Variants in CEP192 observed in about 807,000 individuals in gnomAD.
The protein encoded by CEP192 is centrosomal protein 192, also known as centrosomal protein of 192 kDa.
Under a neutral mutation model 271.8 loss-of-function variants are expected in CEP192, and 151 were observed. That is an observed-to-expected ratio of 0.56 (90% confidence interval 0.49 to 0.64). The LOEUF (loss-of-function observed/expected upper bound fraction) is 0.64, where lower values mean the gene tolerates loss of function less well. Ranked by LOEUF, CEP192 falls within the 30% of genes least tolerant of loss-of-function variation. CEP192 has a pLI of 0.00. For synonymous variants in CEP192, 995 were observed against 1,076.5 expected (o/e 0.92, Z 1.48); for missense variants, 2,910 against 3,020.5 (o/e 0.96, Z 0.86).
At chr18:13,041,284 G>A (rs1471930756) in intron 14 of CEP192, among the ~76,000 whole-genome samples, 2 of 152,212 alleles carry the variant, frequency 1.3e-5, no homozygotes, top group Admixed American at 6.5e-5. Context: ...TTAAAGAGAT[G>A]TTTTGAGATT....
intron 33 of CEP192, 136 bp downstream of exon 33, chr18:13,089,701 T>C (rs1391495296): frequency 5.6e-6 from 3 of 535,408 alleles, no homozygotes; most frequent in Non-Finnish European, 1.0e-5. Context: ...ACAGCCCTGC[T>C]GTATGAGTTT....
Position 13,040,936 on chromosome 18 carries a change from T to C in CEP192, c.1916T>C (p.Leu639Pro), listed in dbSNP as rs2036167903. ...AATTTGGAAAAAGAAATGGCTCATC[T>C]TAACCATGATCTATATTCAGGTAAT... ...RGNLEKEMAH[L>P]NHDLYSGDLN... is the part of the protein sequence containing the mutation. Residue 639 changes from leucine to proline, a missense_variant, in exon 14 of 45, where the codon CTT becomes CCT. By Grantham distance (98) the Leu-to-Pro change is moderately conservative. Coordinates refer to ENST00000506447, the MANE Select transcript of CEP192 (RefSeq NM_032142.4). The C allele has an allele frequency of 6.2e-7, 1 of 1,611,168 alleles. No homozygotes were observed. The highest frequency in any genetic ancestry group is 8.5e-7 in the Non-Finnish European group (1 of 1,178,732).
intron 12 of CEP192, 52 bp from the exon 13 acceptor site, chr18:13,038,318 C>A: frequency 7.0e-7 from 1 of 1,424,210 alleles, no homozygotes; most frequent in Non-Finnish European, 9.7e-7. Context: ...ATTAGAACAA[C>A]AGAAAAGTGA....
Position 13,091,549 on chromosome 18 carries a change from G to A in CEP192, c.6104-828G>A, listed in dbSNP as rs183903846. Among the ~76,000 whole-genome samples the A allele has an allele frequency of 2.0e-5, 3 of 152,242 alleles. No individual in the cohort carries two copies. The East Asian group carries it at 5.8e-4, about 29-fold the overall frequency. On this transcript the variant is annotated intron_variant, in intron 33 of 44. Transcript: ENST00000506447. ...GAGCATGTTACTATTCCAAGGATTT[G>A]TAACAATCTTGCTTTTACAAAATGT...
chr18:13,066,363 C>CTCGGGTTACTAACGCTTCTACTAGTTACT (rs1568364009), intron 21 of CEP192, among the ~76,000 whole-genome samples: 5 of 152,056 alleles, frequency 3.3e-5, no homozygotes, highest in Admixed American at 3.3e-4. Context: ...GTTTCTAGTT[C>CTCGGGTTACTAACGCTTCTACTAGTTACT]TTGGGTTACT....
intron 1 of CEP192, among the ~76,000 whole-genome samples, chr18:12,994,001 A>G (rs1254279302): frequency 6.6e-6 from 1 of 152,206 alleles, no homozygotes; most frequent in African/African-American, 2.4e-5. Context: ...CTAAATTTAT[A>G]GGGGTTAAAG....
At chr18:13,011,906 A>G (rs571286946) in intron 4 of CEP192, among the ~76,000 whole-genome samples, 2 of 152,356 alleles carry the variant, frequency 1.3e-5, no homozygotes, top group East Asian at 3.9e-4. Context: ...TCAGATGTTA[A>G]TCAACTGATG....
At chr18:13,121,366 CGGAA>C (rs1360342898) in intron 44 of CEP192, among the ~76,000 whole-genome samples, 1 of 152,096 alleles carries the variant, frequency 6.6e-6, no homozygotes, top group East Asian at 1.9e-4. Context: ...CCAAGGCCAC[CGGAA>C]GGCCTGGTGG....
chr18:13,098,483 G>A (rs1366683768), intron 36 of CEP192, among the ~76,000 whole-genome samples: 5 of 150,858 alleles, frequency 3.3e-5, no homozygotes, highest in Admixed American at 1.3e-4. Context: ...GGGCAGAGAC[G>A]CTCCTCACCT....
At chr18:13,055,448 T>C (rs544625433) in intron 18 of CEP192, among the ~76,000 whole-genome samples, 167 of 152,234 alleles carry the variant, frequency 1.1e-3, no homozygotes, top group African/African-American at 3.8e-3. Flanking sequence ...TTTATTTGGA[T>C]TTTTTTGTAA....
chr18:13,095,635 G>A lies in CEP192; in HGVS notation c.6387G>A (p.Pro2129=), dbSNP rs761834373. 12 of 1,614,174 alleles carry A rather than the reference G, an allele frequency of 7.4e-6. No individual in the cohort carries two copies. The highest frequency in any genetic ancestry group is 2.2e-5 in the East Asian group (1 of 44,876). Residue 2129 remains proline, a synonymous_variant, in exon 35 of 45, where the codon CCG becomes CCA. Transcript: ENST00000506447. ...TGGATCAGCTGGCCTCCGAAGAGCC[G>A]TGGACTGTCCTACCCGAGCACTTGA... ...PPLDQLASEE[P]WTVLPEHLIL...
Position 13,038,425 on chromosome 18 carries a change from G to A in CEP192, c.1655G>A (p.Gly552Glu). Residue 552 changes from glycine to glutamate, a missense_variant, in exon 13 of 45, where the codon GGA becomes GAA. By Grantham distance (98) the Gly-to-Glu change is moderately conservative. Transcript: ENST00000506447. ...TSVALGDTSW[G>E]ATINYSLLRK... ...GTTGCACTGGGCGATACGTCCTGGG[G>A]AGCTACAATTAATTACAGTCTGTTG... The A allele has an allele frequency of 6.4e-7, 1 of 1,551,668 alleles. No individual in the cohort carries two copies. The highest frequency in any genetic ancestry group is 8.7e-7 in the Non-Finnish European group (1 of 1,146,962).
intron 34 of CEP192, among the ~76,000 whole-genome samples, chr18:13,093,954 A>G (rs969431349): frequency 6.6e-6 from 1 of 152,200 alleles, no homozygotes; most frequent in African/African-American, 2.4e-5. Flanking sequence ...TAAAAAGGAG[A>G]AAATAGATTG....
chr18:12,995,927 T>A (rs763624652), intron 1 of CEP192, among the ~76,000 whole-genome samples: 1 of 152,102 alleles, frequency 6.6e-6, no homozygotes, highest in Non-Finnish European at 1.5e-5. Context: ...TTAGGATGAC[T>A]GGAATGGAGT....
chr18:13,053,569 CA>C (rs2036918778), intron 18 of CEP192, among the ~76,000 whole-genome samples: 1 of 152,150 alleles, frequency 6.6e-6, no homozygotes, highest in Non-Finnish European at 1.5e-5. Context: ...TGAATCATGT[CA>C]ATAGGGAGAA....
intron 19 of CEP192, 48 bp from the exon 20 acceptor site, chr18:13,057,535 CAG>C (rs749915135): frequency 2.5e-6 from 4 of 1,594,200 alleles, no homozygotes; most frequent in Non-Finnish European, 8.6e-7. Flanking sequence ...GGCTTATAAT[CAG>C]GGGTTTGCTG....
At position 13,067,837 on chromosome 18, in the gene CEP192, A is replaced by G. The variant is rs1568365951; in HGVS notation, c.4495A>G (p.Thr1499Ala). 2.5e-6 allele frequency: 4 copies of G among 1,608,242 alleles called. No individual in the cohort carries two copies. The highest frequency in any genetic ancestry group is 3.4e-6 in the Non-Finnish European group (4 of 1,175,508). The stretch of plus-strand genomic sequence containing the variant: ...CCCTTTTTTTGATAATTAGGTAGAA[A>G]CAGAAAAGAAAGACGTTCTTGATTT... ...IAESPVIEVE[T>A]EKKDVLDFGD... The change falls in exon 22 of 45, where the codon ACA (threonine) becomes GCA (alanine). Residue 1499 changes from threonine to alanine, a missense_variant. Coordinates refer to ENST00000506447, the MANE Select transcript of CEP192 (RefSeq NM_032142.4).
At chr18:13,059,402 G>C in intron 21 of CEP192, 90 bp downstream of exon 21, 1 of 978,352 alleles carries the variant, frequency 1.0e-6, no homozygotes, top group Middle Eastern at 2.1e-4. Context: ...AAAGAAATTT[G>C]TGGACGAAGG....
At chr18:13,117,418 T>G (rs1016276391) in intron 43 of CEP192, among the ~76,000 whole-genome samples, 167 bp from the exon 44 acceptor site, 6 of 152,198 alleles carry the variant, frequency 3.9e-5, no homozygotes, top group African/African-American at 1.4e-4. Flanking sequence ...ATGTTAAAAT[T>G]TTCTTAAATA....
Sources: allele counts gnomAD v4.1 joint callset (sites outside exome capture counted in the v4.1 genomes callset), GRCh38; gene constraint gnomAD v4.1.1; transcripts MANE v1.5; gene names NCBI Gene and HGNC (gene_info 2026-07-23, HGNC 2026-07-21).